ZNF382: variants seen among roughly 807,000 people sequenced by gnomAD.
ZNF382 encodes zinc finger protein 382, also known as KRAB/zinc finger suppressor protein 1.
ZNF382 carries 20 observed loss-of-function variants against 38.8 expected under a neutral mutation model. The ratio of observed to expected loss-of-function variants is 0.51; its 90% confidence interval spans 0.36 to 0.75. The LOEUF (loss-of-function observed/expected upper bound fraction) is 0.75, where lower values mean the gene tolerates loss of function less well. ZNF382 is among the 30% of genes least tolerant of loss of function. The pLI, the probability that ZNF382 is intolerant of heterozygous loss-of-function variation, is 0.00. For missense variants in ZNF382, 546 were observed against 654.1 expected (o/e 0.83, Z 1.80); for synonymous variants, 202 against 223.1 (o/e 0.91, Z 0.84).
chr19:36,623,857 G>A (rs1316881120), intron 4 of ZNF382, among the ~76,000 whole-genome samples: 6 of 151,218 alleles, frequency 4.0e-5, no homozygotes, highest in African/African-American at 1.2e-4. Flanking sequence ...TTGGGAGGCC[G>A]AGGTGGGTGG....
chr19:36,612,722 A>G (rs894306498), intron 4 of ZNF382, among the ~76,000 whole-genome samples: 1 of 152,346 alleles, frequency 6.6e-6, no homozygotes, highest in Non-Finnish European at 1.5e-5. Context: ...AATAATGTTG[A>G]AAACTTTTTC....
intron 1 of ZNF382, among the ~76,000 whole-genome samples, chr19:36,606,189 GAT>G (rs2037022983): frequency 8.5e-5 from 13 of 152,072 alleles, no homozygotes; most frequent in Admixed American, 8.5e-4. Flanking sequence ...ATAAAATAGA[GAT>G]AACAGTATCA....
Position 36,610,441 on chromosome 19 carries a change from G to A in ZNF382, c.140-209G>A, listed in dbSNP as rs1182425720. ...ACTGCACTCCAGCCTGAGTGAAAGA[G>A]TGAGACTGTCTCAAAAAAAAAAAAG... is the stretch of plus-strand genomic sequence containing the variant. On this transcript the variant is annotated intron_variant, in intron 3 of 4. Coordinates refer to ENST00000292928, the MANE Select transcript of ZNF382 (RefSeq NM_032825.5). 7.2e-6 allele frequency: 3 copies of A among 416,766 alleles called. No homozygotes were observed. The East Asian group carries it at 1.4e-4, about 19-fold the overall frequency. 25.8% of individuals were successfully genotyped at this position (416,766 alleles called of 1,614,324 possible). A position where few individuals can be genotyped will look rare whatever the true frequency, so the allele number is the denominator to read the frequency against.
chr19:36,619,733 T>G (rs2145327034), intron 4 of ZNF382, among the ~76,000 whole-genome samples: 1 of 152,224 alleles, frequency 6.6e-6, no homozygotes, highest in East Asian at 1.9e-4. Flanking sequence ...AAAAGAGTTT[T>G]TTTTTTTTTC....
At chr19:36,610,588 C>T (rs1305255614) in intron 3 of ZNF382, 62 bp from the exon 4 acceptor site, 7 of 1,355,008 alleles carry the variant, frequency 5.2e-6, no homozygotes, top group Non-Finnish European at 7.2e-6. Flanking sequence ...GTATCTTTAT[C>T]TTACTTCAAT....
chr19:36,625,045 G>A (rs745778269), intron 4 of ZNF382, among the ~76,000 whole-genome samples: 6 of 142,946 alleles, frequency 4.2e-5, no homozygotes, highest in Non-Finnish European at 7.5e-5. Flanking sequence ...TCCAGCTTGG[G>A]GGACAGAGCG....
rs909699074 is a variant in ZNF382 at position 36,626,505 on chromosome 19, A to G, written c.608A>G (p.Gln203Arg). 1.9e-6 allele frequency: 3 copies of G among 1,606,516 alleles called. No individual in the cohort carries two copies. The highest frequency in any genetic ancestry group is 2.5e-6 in the Non-Finnish European group (3 of 1,177,634). Residue 203 changes from glutamine to arginine, a missense_variant, in exon 5 of 5, where the codon CAG (glutamine) becomes CGG (arginine). Coordinates refer to ENST00000292928, the MANE Select transcript of ZNF382 (RefSeq NM_032825.5). ...LSGKQELIQH[Q>R]KVQAPEQPFD... is the part of the protein sequence containing the mutation. ...GGTAAACAGGAGCTTATTCAGCATCAGAAGGTTCAAGCTCCAGAGCAACCA... is the reference window on the plus strand; with the variant it reads ...GGTAAACAGGAGCTTATTCAGCATCGGAAGGTTCAAGCTCCAGAGCAACCA...
chr19:36,619,398 G>A (rs1056911120), intron 4 of ZNF382, among the ~76,000 whole-genome samples: 3 of 152,200 alleles, frequency 2.0e-5, no homozygotes, highest in East Asian at 1.9e-4. Flanking sequence ...GTCTTGTTCC[G>A]ATGCTTATCT....
Position 36,626,351 on chromosome 19 carries a change from A to G in ZNF382, c.454A>G (p.Arg152Gly), listed in dbSNP as rs533817629. ...GAAAAATATTTCAGAACTAGTCATT[A>G]GAAATATAAGCCCCATAAAAGAGAA... ...VLKNISELVI[R>G]NISPIKEKFG... Residue 152 changes from arginine to glycine, a missense_variant, in exon 5 of 5, where the codon AGA becomes GGA. Transcript: ENST00000292928. 5.7e-6 allele frequency: 9 copies of G among 1,581,756 alleles called. No individual in the cohort carries two copies. The highest frequency in any genetic ancestry group is 7.7e-6 in the Non-Finnish European group (9 of 1,169,112).
At chr19:36,623,992 G>A (rs889923665) in intron 4 of ZNF382, among the ~76,000 whole-genome samples, 5 of 151,978 alleles carry the variant, frequency 3.3e-5, no homozygotes, top group African/African-American at 1.2e-4. Flanking sequence ...ATGAGGCTGA[G>A]GCAGGAGAAT....
chr19:36,614,240 TG>T (rs1273101975), intron 4 of ZNF382, among the ~76,000 whole-genome samples: 1 of 152,138 alleles, frequency 6.6e-6, no homozygotes, highest in Non-Finnish European at 1.5e-5. Context: ...CTCGGGAGGC[TG>T]AGGCAGGAGA....
At chr19:36,614,949 C>CTTTCCCTTTCCT (rs2037113001) in intron 4 of ZNF382, among the ~76,000 whole-genome samples, 1 of 134,832 alleles carries the variant, frequency 7.4e-6, no homozygotes, top group Admixed American at 7.9e-5. Context: ...TTCCCTTTCC[C>CTTTCCCTTTCCT]TTTCCCTTCC....
chr19:36,622,744 A>G (rs1257111393), intron 4 of ZNF382, among the ~76,000 whole-genome samples: 1 of 152,194 alleles, frequency 6.6e-6, no homozygotes, highest in Non-Finnish European at 1.5e-5. Context: ...GCAAACAAAT[A>G]AACTCCTATT....
At chr19:36,614,919 C>CTTCCCTTTCCGTTTCCGTTTCCG (rs1568628635) in intron 4 of ZNF382, among the ~76,000 whole-genome samples, 1 of 80,952 alleles carries the variant, frequency 1.2e-5, no homozygotes, top group African/African-American at 4.9e-5. Context: ...CTTTCCTTCC[C>CTTCCCTTTCCGTTTCCGTTTCCG]TTTCCCTTTC....
chr19:36,609,774 A>G, intron 2 of ZNF382, 128 bp from the exon 3 acceptor site: 1 of 832,300 alleles, frequency 1.2e-6, no homozygotes, highest in Non-Finnish European at 1.8e-6. Flanking sequence ...AAGTAAATAC[A>G]AATGGATGTA....
Position 36,630,126 on chromosome 19 carries a change from A to G in ZNF382, c.*2576A>G, listed in dbSNP as rs2037243908. 1 of 152,026 alleles carries G rather than the reference A, an allele frequency of 6.6e-6. No individual in the cohort carries two copies. The highest frequency in any genetic ancestry group is 1.5e-5 in the Non-Finnish European group (1 of 68,020). 9.4% of individuals were successfully genotyped at this position (152,026 alleles called of 1,614,324 possible). On this transcript the variant is annotated 3_prime_UTR_variant, in exon 5 of 5. Transcript: ENST00000292928. ...GAGGGGTCCATATATATTCTTTCTC[A>G]TTTTCTGGCAGTAAATCATATTCAT...
chr19:36,607,850 C>T (rs2037046996), intron 2 of ZNF382: 1 of 517,722 alleles, frequency 1.9e-6, no homozygotes, highest in African/African-American at 2.0e-5. Context: ...CCTCACCTGC[C>T]TCACCCTGTA....
At chr19:36,619,121 A>T (rs1261737736) in intron 4 of ZNF382, among the ~76,000 whole-genome samples, 1 of 152,242 alleles carries the variant, frequency 6.6e-6, no homozygotes, top group African/African-American at 2.4e-5. Flanking sequence ...TCTTAAAGTT[A>T]TTAAGAACTT....
At position 36,631,844 on chromosome 19, in the gene ZNF382, A is replaced by T. The variant is rs1040057535; in HGVS notation, c.*4294A>T. 1.1e-4 allele frequency: 16 copies of T among 152,188 alleles called. No homozygotes were observed. The highest frequency in any genetic ancestry group is 7.9e-4 in the Admixed American group (12 of 15,266). 9.4% of individuals were successfully genotyped at this position (152,188 alleles called of 1,614,324 possible). A position where few individuals can be genotyped will look rare whatever the true frequency, so the allele number is the denominator to read the frequency against. On this transcript the variant is annotated 3_prime_UTR_variant, in exon 5 of 5. Transcript: ENST00000292928. ...TGTTTATAGAATCTAAGTCAACTTGACCTAAACATATACGACAAAATAGGA... is the reference window on the plus strand; with the variant it reads ...TGTTTATAGAATCTAAGTCAACTTGTCCTAAACATATACGACAAAATAGGA...
Sources: gnomAD v4.1 joint callset for allele counts (sites outside exome capture counted in the v4.1 genomes callset) on GRCh38, gnomAD v4.1.1 for gene constraint, MANE v1.5 for transcripts, NCBI Gene and HGNC (gene_info 2026-07-23, HGNC 2026-07-21) for gene names.